The following BCO1 variants were observed in gnomAD, a reference collection of about 807,000 sequenced individuals.
BCO1 encodes beta,beta-carotene 15,15'-dioxygenase.
BCO1 carries 54 observed loss-of-function variants against 56.3 expected under a neutral mutation model. The ratio of observed to expected loss-of-function variants is 0.96; its 90% CI spans 0.77 to 1.20. BCO1 has a LOEUF of 1.20. BCO1 is among the 50% of genes most tolerant of loss of function. The pLI, the probability that BCO1 is intolerant of heterozygous loss-of-function variation, is 0.00. For missense variants in BCO1, 801 were observed against 690.9 expected (o/e 1.16, Z -1.79); for synonymous variants, 318 against 266.1 (o/e 1.20, Z -1.90).
intron 2 of BCO1, among the ~76,000 whole-genome samples, chr16:81,253,434 A>G (rs769968737): frequency 6.6e-6 from 1 of 152,194 alleles, no homozygotes; most frequent in Non-Finnish European, 1.5e-5. Flanking sequence ...GGTCAAGTGC[A>G]TGGTTGGTAC....
At chr16:81,267,853 T>TG (rs1460680268) in intron 5 of BCO1, 55 bp from the exon 6 acceptor site, 47 of 1,514,862 alleles carry the variant, frequency 3.1e-5, no homozygotes, top group Middle Eastern at 4.0e-4. Context: ...GGTGTGGTCT[T>TG]GGGGGGGCAG....
chr16:81,272,031 G>C (rs1261758420), intron 7 of BCO1, among the ~76,000 whole-genome samples: 1 of 151,916 alleles, frequency 6.6e-6, no homozygotes, highest in Non-Finnish European at 1.5e-5. Context: ...TCAGGTGTGA[G>C]CCACAGTGCC....
chr16:81,272,427 T>A (rs1043955562), intron 7 of BCO1, among the ~76,000 whole-genome samples: 3 of 152,204 alleles, frequency 2.0e-5, no homozygotes, highest in African/African-American at 7.2e-5. Flanking sequence ...CCAGACTGCT[T>A]TTCTACCTAT....
intron 7 of BCO1, among the ~76,000 whole-genome samples, chr16:81,273,260 G>C (rs569923853): frequency 6.6e-6 from 1 of 152,106 alleles, no homozygotes; most frequent in African/African-American, 2.4e-5. Context: ...TGAGATTACA[G>C]GCATGAGCCA....
At chr16:81,257,015 T>C (rs528714780) in intron 2 of BCO1, among the ~76,000 whole-genome samples, 2 of 152,314 alleles carry the variant, frequency 1.3e-5, no homozygotes, top group East Asian at 1.9e-4. Flanking sequence ...ACTCAACGCC[T>C]GCAAGAAGGG....
chr16:81,271,445 T>C (rs566773538), intron 7 of BCO1, among the ~76,000 whole-genome samples: 7 of 152,138 alleles, frequency 4.6e-5, no homozygotes, highest in Non-Finnish European at 1.0e-4. Flanking sequence ...TTTGACAGCC[T>C]TTGGTATGTT....
intron 9 of BCO1, 150 bp downstream of exon 9, chr16:81,285,784 GC>G (rs746895052): frequency 1.4e-6 from 1 of 706,398 alleles, no homozygotes. Context: ...AGGATGTTCA[GC>G]TGGGAGAGGG....
At position 81,287,338 on chromosome 16, in the gene BCO1, G is replaced by C; in HGVS notation, c.1346G>C (p.Arg449Thr). The C allele has an allele frequency of 1.2e-6, 2 of 1,614,128 alleles. No homozygotes were observed. Among genetic ancestry groups the C allele is most frequent in the Non-Finnish European group, 8.5e-7 (1 of 1,180,002 alleles). ...DILTKSSLKW[R>T]EDDCWPAEPL... ...CTCACAAAGTCATCCTTAAAATGGA[G>C]AGAGGACGACTGCTGGCCAGCGGAA... Residue 449 changes from arginine (R) to threonine (T), a missense_variant, in exon 10 of 11, where the codon AGA becomes ACA. By Grantham distance (71) the Arg-to-Thr change is moderately conservative. Transcript: ENST00000258168.
intron 2 of BCO1, among the ~76,000 whole-genome samples, chr16:81,247,229 G>T (rs981474082): frequency 1.4e-4 from 21 of 152,264 alleles, no homozygotes; most frequent in Middle Eastern, 3.4e-3. Flanking sequence ...GTCAAACTGG[G>T]ATTACGTTAA....
intron 2 of BCO1, among the ~76,000 whole-genome samples, chr16:81,247,815 C>A (rs1340325921): frequency 6.6e-6 from 1 of 152,048 alleles, no homozygotes; most frequent in African/African-American, 2.4e-5. Flanking sequence ...CATGAGCCAC[C>A]ACGCCCGGCC....
chr16:81,285,758 A>C, intron 9 of BCO1, 124 bp downstream of exon 9: 1 of 780,960 alleles, frequency 1.3e-6, no homozygotes, highest in South Asian at 1.4e-5. Context: ...GCCTAGGATA[A>C]AATAAATTTG....
intron 6 of BCO1, among the ~76,000 whole-genome samples, chr16:81,268,865 A>G (rs1400480909): frequency 6.6e-6 from 1 of 150,944 alleles, no homozygotes; most frequent in Non-Finnish European, 1.5e-5. Flanking sequence ...TGCACCCTCA[A>G]CCTCCCAGGC....
intron 7 of BCO1, among the ~76,000 whole-genome samples, chr16:81,272,325 A>G (rs939065927): frequency 2.6e-5 from 4 of 151,018 alleles, no homozygotes; most frequent in South Asian, 4.2e-4. Context: ...TCACCGTGTT[A>G]GCCAGGATGG....
chr16:81,250,551 G>A (rs1452318734), intron 2 of BCO1, among the ~76,000 whole-genome samples: 1 of 147,914 alleles, frequency 6.8e-6, no homozygotes, highest in Non-Finnish European at 1.5e-5. Flanking sequence ...TCAAAAAGTG[G>A]TTTGTGTGCC....
At chr16:81,280,767 C>T in intron 7 of BCO1, 90 bp from the exon 8 acceptor site, 2 of 916,484 alleles carry the variant, frequency 2.2e-6, no homozygotes, top group Non-Finnish European at 3.5e-6. Context: ...GACATGTATT[C>T]AAGCATTTTA....
chr16:81,272,113 CTT>C (rs35402352), intron 7 of BCO1, among the ~76,000 whole-genome samples: 58 of 111,260 alleles, frequency 5.2e-4, no homozygotes, highest in Admixed American at 1.1e-3. Flanking sequence ...TCTTTTCTTT[CTT>C]TTTTTTTTTT....
intron 2 of BCO1, among the ~76,000 whole-genome samples, chr16:81,256,952 T>C (rs1906174695): frequency 6.6e-6 from 1 of 151,926 alleles, no homozygotes; most frequent in South Asian, 2.1e-4. Flanking sequence ...CATTTCCCAA[T>C]TTCATTTCAC....
chr16:81,268,696 T>C (rs1410948561), intron 6 of BCO1, among the ~76,000 whole-genome samples: 2 of 152,234 alleles, frequency 1.3e-5, no homozygotes, highest in East Asian at 3.8e-4. Flanking sequence ...TGTGCATGTA[T>C]GTGCATATGT....
At chr16:81,288,942 C>T (rs1389407960) in intron 10 of BCO1, among the ~76,000 whole-genome samples, 1 of 152,214 alleles carries the variant, frequency 6.6e-6, no homozygotes, top group East Asian at 1.9e-4. Flanking sequence ...AACCCTGTGT[C>T]ACTGTCATCT....
Sources: gnomAD v4.1 joint callset for allele counts (sites outside exome capture counted in the v4.1 genomes callset) on GRCh38, gnomAD v4.1.1 for gene constraint, MANE v1.5 for transcripts, NCBI Gene and HGNC (gene_info 2026-07-23, HGNC 2026-07-21) for gene names.